Variants in SLC12A9 observed in about 807,000 individuals in gnomAD.
SLC12A9 encodes the protein CCC-interacting protein 1.
Under a neutral mutation model 66.0 loss-of-function variants are expected in SLC12A9, and 55 were observed. The ratio of observed to expected loss-of-function variants is 0.83; its 90% CI spans 0.67 to 1.04. SLC12A9 has a LOEUF of 1.04. Among genes scored for constraint, SLC12A9 ranks in the 50% least tolerant of loss-of-function variants. The pLI is 0.00. For missense variants in SLC12A9, 1,061 were observed against 1,241.9 expected (o/e 0.85, Z 2.19); for synonymous variants, 577 against 569.0 (o/e 1.01, Z -0.20).
Position 100,861,965 on chromosome 7 carries a change from T to A in SLC12A9, c.1711+54T>A. ...CTCCCATCCTTCTCTCCCCCTACCT[T>A]TTTTTTTTTTTTGAGATGGAGCTTC... is the stretch of plus-strand genomic sequence containing the variant. On this transcript the variant is annotated intron_variant, in intron 12 of 13. Coordinates refer to ENST00000354161, the MANE Select transcript of SLC12A9 (RefSeq NM_020246.4). The surrounding 1 kb of genome is among the most constrained non-coding windows in gnomAD (Gnocchi z 5.3). 7.5e-6 allele frequency: 8 copies of A among 1,072,362 alleles called. No individual in the cohort carries two copies. The highest frequency in any genetic ancestry group is 9.8e-6 in the Non-Finnish European group (8 of 812,702). 66.4% of individuals were successfully genotyped at this position (1,072,362 alleles called of 1,614,324 possible).
At chr7:100,834,623 C>T (rs1813609410) in intron 1 of SLC12A9, among the ~76,000 whole-genome samples, 1 of 151,990 alleles carries the variant, frequency 6.6e-6, no homozygotes, top group South Asian at 2.1e-4. Context: ...TGGCTCACAC[C>T]TAGAATCCCA....
intron 1 of SLC12A9, among the ~76,000 whole-genome samples, chr7:100,829,552 G>A (rs1461224652): frequency 2.6e-5 from 4 of 152,026 alleles, no homozygotes. Context: ...GGAAACAGCC[G>A]GCTTCACTGG....
chr7:100,839,138 A>G (rs923310496), intron 1 of SLC12A9, among the ~76,000 whole-genome samples: 3 of 152,104 alleles, frequency 2.0e-5, no homozygotes, highest in Non-Finnish European at 4.4e-5. Flanking sequence ...CCTGGCTAAC[A>G]CGGTGAAACC....
intron 1 of SLC12A9, among the ~76,000 whole-genome samples, chr7:100,836,816 G>A: frequency 7.1e-6 from 1 of 140,040 alleles, no homozygotes; most frequent in East Asian, 2.4e-4. Flanking sequence ...GGAGGGGGGC[G>A]CAGATTCACC....
chr7:100,859,918 C>T lies in SLC12A9; in HGVS notation c.1011C>T (p.Arg337=), dbSNP rs372394288. The change falls in exon 8 of 14, where the codon CGC becomes CGT. Residue 337 remains arginine, a synonymous_variant. Coordinates refer to ENST00000354161, the MANE Select transcript of SLC12A9 (RefSeq NM_020246.4). ...TGCAGGAAGACTATGGGTTCTTCCG[C>T]GCCATCAGCCTGTGGCCCCCACTGG... ...TLLQEDYGFF[R]AISLWPPLVL... 10 of 1,606,928 alleles carry T rather than the reference C, an allele frequency of 6.2e-6. No homozygotes were observed. Among genetic ancestry groups the T allele is most frequent in the Middle Eastern group, 1.6e-4 (1 of 6,068 alleles).
Position 100,855,840 on chromosome 7 carries a change from C to CTG in SLC12A9, c.448+6_448+7dup. The CTG allele has an allele frequency of 6.2e-7, 1 of 1,601,430 alleles. No homozygotes were observed. Among genetic ancestry groups the CTG allele is most frequent in the Non-Finnish European group, 8.5e-7 (1 of 1,173,444 alleles). ...TGTGCTTGATGTCTTCGGGGCCGGT[C>CTG]TGTGCTCTGTCCGATCTGGGCAGTG... On this transcript the variant is annotated splice_donor_region_variant and intron_variant, in intron 4 of 13. Coordinates refer to ENST00000354161, the MANE Select transcript of SLC12A9 (RefSeq NM_020246.4).
chr7:100,851,653 C>CGTG (rs1554426028), upstream of SLC12A9, among the ~76,000 whole-genome samples: 1 of 151,464 alleles, frequency 6.6e-6, no homozygotes, highest in Non-Finnish European at 1.5e-5. Flanking sequence ...ATTAGCCAGG[C>CGTG]GTGGTGTGTG....
intron 13 of SLC12A9, chr7:100,865,361 G>A (rs1452169545): frequency 6.5e-6 from 10 of 1,536,032 alleles, no homozygotes; most frequent in African/African-American, 1.4e-5. Context: ...GCACAACAGA[G>A]TCAAACTCGC....
chr7:100,833,931 T>TA (rs1813592128), intron 1 of SLC12A9, among the ~76,000 whole-genome samples: 1 of 21,890 alleles, frequency 4.6e-5, no homozygotes, highest in South Asian at 2.1e-3. Flanking sequence ...AGACTCTGTC[T>TA]CAAAAAAAAA....
At chr7:100,836,972 T>C (rs1417967377) in intron 1 of SLC12A9, among the ~76,000 whole-genome samples, 1 of 152,150 alleles carries the variant, frequency 6.6e-6, no homozygotes, top group Admixed American at 6.6e-5. Flanking sequence ...ACGGGGCATG[T>C]GTGTGTTCCA....
At chr7:100,838,330 T>TGGGA (rs1813710621) in intron 1 of SLC12A9, among the ~76,000 whole-genome samples, 1 of 152,072 alleles carries the variant, frequency 6.6e-6, no homozygotes, top group Non-Finnish European at 1.5e-5. Context: ...AAGATTTCAC[T>TGGGA]AGGAAGATAA....
Position 100,859,118 on chromosome 7 carries a change from G to A in SLC12A9, c.934G>A (p.Val312Ile), listed in dbSNP as rs1019826256. The A allele has an allele frequency of 7.4e-6, 12 of 1,614,040 alleles. No homozygotes were observed. The highest frequency in any genetic ancestry group is 1.6e-4 in the Middle Eastern group (1 of 6,062). The part of the protein sequence containing the change: ...TIVAVAYTFF[V>I]YVLLFFLSSF... ...CGTCGCCGTCGCCTACACCTTCTTC[G>A]TCTATGTCCTGCTTTTCTTTCTCTC... The change falls in exon 7 of 14, where the codon GTC becomes ATC. Residue 312 changes from valine (V) to isoleucine (I), a missense_variant. By Grantham distance (29) the Val-to-Ile change is conservative. Transcript: ENST00000354161.
Position 100,836,359 on chromosome 7 carries a change from G to A in SLC12A9, n.228+9312G>A, listed in dbSNP as rs561166906. On this transcript the variant is annotated intron_variant and non_coding_transcript_variant, in intron 1 of 1. Coordinates refer to the SLC12A9 transcript ENST00000461016. ...GTGGGGCCGGCACCGAGGGTAGCAG[G>A]TCGGGCCAGGGGAAGGTAGGCCGGG... Among the ~76,000 whole-genome samples, 7 of 152,252 alleles carry A rather than the reference G, an allele frequency of 4.6e-5. No homozygotes were observed. In the South Asian group the frequency reaches 1.2e-3, roughly 27 times the overall value.
intron 1 of SLC12A9, among the ~76,000 whole-genome samples, chr7:100,840,874 A>C (rs1813773873): frequency 6.6e-6 from 1 of 151,992 alleles, no homozygotes; most frequent in South Asian, 2.1e-4. Context: ...CTTTGTTGTC[A>C]GTGTAAACAA....
intron 1 of SLC12A9, among the ~76,000 whole-genome samples, chr7:100,833,340 A>G (rs1424785905): frequency 2.6e-5 from 4 of 151,978 alleles, no homozygotes; most frequent in African/African-American, 9.6e-5. Flanking sequence ...ACAGTGGCAC[A>G]CGCCTGTAAT....
In SLC12A9 at chr7:100,838,840, G is replaced by A. The variant is rs575326233; in HGVS notation, n.228+11793G>A. 5.3e-5 allele frequency among the ~76,000 whole-genome samples: 8 copies of A among 152,202 alleles called. No homozygotes were observed. The East Asian group carries it at 9.7e-4, about 18-fold the overall frequency. Reference sequence around the variant, plus strand: ...AACTTAGGCCTAGTAGTTGAAGATCGACCTCTGACCTAATCAGCCATGTTA... The same window carrying A: ...AACTTAGGCCTAGTAGTTGAAGATCAACCTCTGACCTAATCAGCCATGTTA... On this transcript the variant is annotated intron_variant and non_coding_transcript_variant, in intron 1 of 1. Transcript: ENST00000461016.
intron 12 of SLC12A9, 25 bp from the exon 13 acceptor site, chr7:100,862,656 C>G: frequency 6.2e-7 from 1 of 1,612,222 alleles, no homozygotes; most frequent in Non-Finnish European, 8.5e-7. Context: ...CACTGGCTAC[C>G]TTCCTTTCCT....
chr7:100,865,168 G>C, intron 13 of SLC12A9: 18 of 1,209,496 alleles, frequency 1.5e-5, no homozygotes, highest in Non-Finnish European at 2.0e-5. Context: ...GTATTGGCCA[G>C]GCTGGTCTCA....
chr7:100,837,686 A>C (rs889422485), intron 1 of SLC12A9: 5 of 152,056 alleles, frequency 3.3e-5, no homozygotes, highest in African/African-American at 1.2e-4. Context: ...TTGAGACAGG[A>C]TCTCTCTCTG....
Sources: allele counts gnomAD v4.1 joint callset (sites outside exome capture counted in the v4.1 genomes callset), GRCh38; gene constraint gnomAD v4.1.1; non-coding constraint Gnocchi (gnomAD v3.1); transcripts MANE v1.5; gene names NCBI Gene and HGNC (gene_info 2026-07-23, HGNC 2026-07-21).